NAV3: variants seen among roughly 807,000 people sequenced by gnomAD.
NAV3 encodes the protein pore membrane and/or filament interacting like protein 1.
A neutral mutation model predicts 244.7 loss-of-function variants in NAV3; 87 were observed. That is an observed-to-expected ratio of 0.36 (90% CI 0.30 to 0.42). The LOEUF is 0.42. NAV3 is among the 20% of genes least tolerant of loss of function. The pLI, the probability that NAV3 is intolerant of heterozygous loss-of-function variation, is 1.00. For missense variants in NAV3, 2,663 were observed against 2,893.3 expected, an observed-to-expected ratio of 0.92 and a Z score of 1.83; for synonymous variants, 1,126 against 1,042.2, an observed-to-expected ratio of 1.08 and a Z score of -1.55.
chr12:77,864,813 T>G (rs913020811), intron 1 of NAV3, among the ~76,000 whole-genome samples: 3 of 151,994 alleles, frequency 2.0e-5, no homozygotes, highest in African/African-American at 4.8e-5. Context: ...GTATGCTTGA[T>G]GAGGGAAGAA....
intron 2 of NAV3, among the ~76,000 whole-genome samples, chr12:77,722,033 T>C (rs1876659371): frequency 6.6e-6 from 1 of 152,062 alleles, no homozygotes; most frequent in Non-Finnish European, 1.5e-5. Context: ...AACTGTGTGC[T>C]CCATGTGTTT....
At chr12:77,718,337 T>C (rs1412315645) in intron 2 of NAV3, among the ~76,000 whole-genome samples, 1 of 152,202 alleles carries the variant, frequency 6.6e-6, no homozygotes, top group Non-Finnish European at 1.5e-5. Context: ...GACTGTTGTT[T>C]CACCATTATG....
intron 2 of NAV3, among the ~76,000 whole-genome samples, chr12:77,805,864 G>A (rs1278068154): frequency 6.6e-6 from 1 of 152,162 alleles, no homozygotes; most frequent in East Asian, 1.9e-4. Context: ...GGTCTATTCA[G>A]GGATTTGACT....
At chr12:77,942,059 G>A (rs1029790951) in intron 3 of NAV3, among the ~76,000 whole-genome samples, 2 of 152,192 alleles carry the variant, frequency 1.3e-5, no homozygotes, top group Non-Finnish European at 2.9e-5. Flanking sequence ...TTCTAAAAGT[G>A]ATTAACTATC....
At chr12:78,183,756 A>G (rs1014730027) in intron 30 of NAV3, among the ~76,000 whole-genome samples, 1 of 151,922 alleles carries the variant, frequency 6.6e-6, no homozygotes, top group Non-Finnish European at 1.5e-5. Flanking sequence ...TAAGCAGCTT[A>G]TGTGGATCAA....
At chr12:78,179,154 G>T (rs1958389421) in intron 28 of NAV3, among the ~76,000 whole-genome samples, 3 of 151,878 alleles carry the variant, frequency 2.0e-5, no homozygotes, top group South Asian at 4.1e-4. Context: ...TCTTATAAAA[G>T]AATAGTCACA....
chr12:77,708,880 A>G (rs1490081844), intron 2 of NAV3, among the ~76,000 whole-genome samples: 3 of 152,094 alleles, frequency 2.0e-5, no homozygotes, highest in Non-Finnish European at 4.4e-5. Context: ...TTGGTGTATA[A>G]GAATGCTTGT....
At position 78,177,770 on chromosome 12, in the gene NAV3, T is replaced by A. The variant is rs183149033; in HGVS notation, c.5363+85T>A. The A allele has an allele frequency of 2.8e-3, 3,387 of 1,205,902 alleles. 10 individuals are homozygous for A. Among genetic ancestry groups the A allele is most frequent in the Non-Finnish European group, 3.1e-3 (2,630 of 850,096 alleles). 74.7% of individuals were successfully genotyped at this position (1,205,902 alleles called of 1,614,324 possible). A position where few individuals can be genotyped will look rare whatever the true frequency, so the allele number is the denominator to read the frequency against. ...TTGCTTTTGCTTTTTCTAAAATCAC[T>A]CACATGCATTTCAACAATAAATACC... On this transcript the variant is annotated intron_variant, in intron 28 of 39. Transcript: ENST00000397909.
Position 78,050,756 on chromosome 12 carries a change from T to C in NAV3, c.2133-8T>C, listed in dbSNP as rs776380831. ...AGAGTATAGTTATTTCTCCATTTTA[T>C]TTGACAGCACCCTGGAGACAACATT... is the stretch of plus-strand genomic sequence containing the variant. On this transcript the variant is annotated splice_polypyrimidine_tract_variant and splice_region_variant and intron_variant, in intron 10 of 39. Transcript: ENST00000397909. The C allele has an allele frequency of 2.5e-6, 4 of 1,576,598 alleles. No homozygotes were observed. Among genetic ancestry groups the C allele is most frequent in the African/African-American group, 1.3e-5 (1 of 74,164 alleles).
chr12:78,180,815 C>A (rs1958466029), intron 29 of NAV3, 56 bp from the exon 30 acceptor site: 1 of 1,415,714 alleles, frequency 7.1e-7, no homozygotes, highest in Non-Finnish European at 9.7e-7. Flanking sequence ...AGACTTGGTG[C>A]TATTTTCTCA....
intron 9 of NAV3, among the ~76,000 whole-genome samples, chr12:78,033,604 G>A (rs1045476953): frequency 6.6e-5 from 10 of 152,144 alleles, no homozygotes; most frequent in Middle Eastern, 3.4e-3. Context: ...CCCCACTGTC[G>A]CTCAGAGTAA....
At chr12:77,803,508 T>G (rs2135977968) in intron 2 of NAV3, among the ~76,000 whole-genome samples, 1 of 152,346 alleles carries the variant, frequency 6.6e-6, no homozygotes, top group East Asian at 1.9e-4. Context: ...GGGCCACATT[T>G]TCTTTATCCA....
intron 38 of NAV3, among the ~76,000 whole-genome samples, chr12:78,201,623 T>C (rs888250652): frequency 6.6e-6 from 1 of 152,090 alleles, no homozygotes; most frequent in African/African-American, 2.4e-5. Flanking sequence ...TTTCCATAAG[T>C]ATTGCTATTT....
chr12:78,188,542 G>A (rs2139847350), intron 32 of NAV3, 67 bp from the exon 33 acceptor site: 1 of 1,466,624 alleles, frequency 6.8e-7, no homozygotes, highest in Middle Eastern at 1.8e-4. Context: ...ATCCCTGTGA[G>A]TTATGTATTT....
intron 7 of NAV3, among the ~76,000 whole-genome samples, chr12:78,000,499 ATTTTTTT>A (rs1202996900): frequency 9.7e-6 from 1 of 103,296 alleles, no homozygotes. Flanking sequence ...CACTTAAAAC[ATTTTTTT>A]TTTTTTTTTT....
intron 12 of NAV3, among the ~76,000 whole-genome samples, chr12:78,083,714 C>CA (rs953352957): frequency 6.6e-6 from 1 of 152,116 alleles, no homozygotes; most frequent in Non-Finnish European, 1.5e-5. Flanking sequence ...GGTTGAGTAT[C>CA]ATGCTAACAA....
intron 23 of NAV3, among the ~76,000 whole-genome samples, chr12:78,160,287 A>G (rs1957473053): frequency 1.3e-5 from 2 of 151,992 alleles, no homozygotes; most frequent in South Asian, 4.2e-4. Context: ...TCCTGTGATG[A>G]CCAGTTAGCT....
chr12:78,071,915 C>A (rs1305346173), intron 12 of NAV3, among the ~76,000 whole-genome samples: 1 of 152,166 alleles, frequency 6.6e-6, no homozygotes, highest in Non-Finnish European at 1.5e-5. Flanking sequence ...GGAAACTGAA[C>A]AACCTGCTCC....
At chr12:78,060,100 C>T (rs1884110786) in intron 12 of NAV3, among the ~76,000 whole-genome samples, 1 of 151,956 alleles carries the variant, frequency 6.6e-6, no homozygotes, top group Admixed American at 6.6e-5. Context: ...CATTTCTGGC[C>T]TGATTTTGCT....
Sources: allele counts gnomAD v4.1 joint callset (sites outside exome capture counted in the v4.1 genomes callset), GRCh38; gene constraint gnomAD v4.1.1; transcripts MANE v1.5; gene names NCBI Gene and HGNC (gene_info 2026-07-23, HGNC 2026-07-21).